The following CCDC141 variants were observed in gnomAD, a reference collection of about 807,000 sequenced individuals.
The protein encoded by CCDC141 is coiled-coil domain containing 141.
CCDC141 carries 168 observed loss-of-function variants against 181.0 expected under a neutral mutation model. The observed-to-expected ratio is 0.93, with a 90% CI of 0.82 to 1.05. The LOEUF (loss-of-function observed/expected upper bound fraction) is 1.05, where lower values mean the gene tolerates loss of function less well. Ranked by LOEUF, CCDC141 falls within the 50% of genes least tolerant of loss-of-function variation. The pLI is 0.00. For synonymous variants in CCDC141, 666 were observed against 642.3 expected (o/e 1.04, Z -0.56); for missense variants, 1,902 against 1,788.5 (o/e 1.06, Z -1.14).
rs182451024 is a variant in CCDC141 at position 178,838,267 on chromosome 2, T to G, written c.3475-523A>C. Among the ~76,000 whole-genome samples, 32 of 152,352 alleles carry G rather than the reference T, an allele frequency of 2.1e-4. No individual in the cohort carries two copies. The East Asian group carries it at 6.2e-3, about 29-fold the overall frequency. ...TGAAATATACATAAAATGTACCACT[T>G]CAACCATGTTTAAGTGTACGGCTCA... is the stretch of plus-strand genomic sequence containing the variant. On this transcript the variant is annotated intron_variant, in intron 22 of 23. Transcript: ENST00000443758.
chr2:179,016,376 C>T (rs1473099135), intron 2 of CCDC141, among the ~76,000 whole-genome samples: 1 of 151,718 alleles, frequency 6.6e-6, no homozygotes, highest in Non-Finnish European at 1.5e-5. Context: ...CTCCCCTCAC[C>T]ATAAAAAATG....
intron 2 of CCDC141, among the ~76,000 whole-genome samples, chr2:178,995,808 T>C (rs1692262359): frequency 2.6e-5 from 4 of 152,208 alleles, no homozygotes; most frequent in Admixed American, 2.6e-4. Context: ...TTTTCTTACC[T>C]AGCTATTTAA....
intron 2 of CCDC141, among the ~76,000 whole-genome samples, chr2:179,015,740 T>A (rs1290380484): frequency 7.2e-6 from 1 of 138,748 alleles, no homozygotes; most frequent in Non-Finnish European, 1.6e-5. Context: ...CTCATATATA[T>A]ATCTTATATA....
At chr2:179,001,540 T>C (rs527483369) in intron 2 of CCDC141, among the ~76,000 whole-genome samples, 1 of 151,974 alleles carries the variant, frequency 6.6e-6, no homozygotes, top group African/African-American at 2.4e-5. Flanking sequence ...AAAAAAATCA[T>C]AAAGTTGAAC....
chr2:178,904,249 C>T (rs1233033652), intron 8 of CCDC141, among the ~76,000 whole-genome samples: 1 of 152,144 alleles, frequency 6.6e-6, no homozygotes, highest in Non-Finnish European at 1.5e-5. Context: ...GTCTTCATAG[C>T]CTCAACTTTT....
At chr2:178,840,001 T>C (rs910953767) in intron 22 of CCDC141, among the ~76,000 whole-genome samples, 11 of 152,232 alleles carry the variant, frequency 7.2e-5, no homozygotes, top group African/African-American at 2.7e-4. Context: ...TGAGAATGTG[T>C]GCCTTACTTG....
chr2:178,899,300 T>G (rs911355252), intron 8 of CCDC141, among the ~76,000 whole-genome samples: 3 of 152,174 alleles, frequency 2.0e-5, no homozygotes, highest in African/African-American at 7.2e-5. Flanking sequence ...CACTCTATGA[T>G]GTTCACATGA....
chr2:178,816,822 T>A, the CCDC141 span, among the ~76,000 whole-genome samples: 1 of 152,168 alleles, frequency 6.6e-6, no homozygotes, highest in South Asian at 2.1e-4. Flanking sequence ...AAGAAGAGAA[T>A]GAGGGAAATA....
At chr2:178,824,723 G>A in the CCDC141 span, among the ~76,000 whole-genome samples, 2 of 151,348 alleles carry the variant, frequency 1.3e-5, no homozygotes, top group South Asian at 4.2e-4. Flanking sequence ...GTTAAACCTG[G>A]GCCATCTTTC....
At chr2:178,834,509 T>C in intron 23 of CCDC141, 69 bp from the exon 24 acceptor site, 17 of 1,485,976 alleles carry the variant, frequency 1.1e-5, no homozygotes. Context: ...GTTCTAATAA[T>C]GCTTGCAAAT....
At chr2:178,841,073 C>T (rs769202771) in intron 22 of CCDC141, among the ~76,000 whole-genome samples, 29 of 151,894 alleles carry the variant, frequency 1.9e-4, no homozygotes, top group Non-Finnish European at 3.2e-4. Flanking sequence ...AAATAAAAAT[C>T]ACATGGGACC....
chr2:178,919,458 G>C (rs1222846601), intron 6 of CCDC141, among the ~76,000 whole-genome samples: 2 of 152,312 alleles, frequency 1.3e-5, no homozygotes, highest in African/African-American at 4.8e-5. Context: ...AAAAGGGAGA[G>C]TAGAAAGAGG....
At chr2:178,957,576 T>G (rs1690214059) in intron 5 of CCDC141, among the ~76,000 whole-genome samples, 1 of 152,266 alleles carries the variant, frequency 6.6e-6, no homozygotes, top group African/African-American at 2.4e-5. Flanking sequence ...GGTATTTATC[T>G]ATATAAATTG....
intron 2 of CCDC141, among the ~76,000 whole-genome samples, chr2:178,985,039 A>G (rs1482554121): frequency 6.6e-6 from 1 of 151,428 alleles, no homozygotes; most frequent in Non-Finnish European, 1.5e-5. Context: ...CACCACACCT[A>G]TTCCAAAATT....
At chr2:179,000,206 A>AT (rs2041927135) in intron 2 of CCDC141, among the ~76,000 whole-genome samples, 1 of 152,010 alleles carries the variant, frequency 6.6e-6, no homozygotes, top group Admixed American at 6.6e-5. Flanking sequence ...TGGCTTTTGC[A>AT]TTTTTAAGTG....
intron 2 of CCDC141, among the ~76,000 whole-genome samples, chr2:179,006,549 A>G (rs1313845693): frequency 1.3e-5 from 2 of 152,216 alleles, no homozygotes; most frequent in Non-Finnish European, 2.9e-5. Flanking sequence ...TAATTTATGC[A>G]ACAGATAATG....
In CCDC141 at chr2:178,918,793, G is replaced by C. The variant is rs536909288; in HGVS notation, c.1012C>G (p.Gln338Glu). ...ACCATGAGTTGACCAAATTCTTCTT[G>C]AAGCTGACTGAGTTTCTGGTGAGAG... The part of the protein sequence containing the change: ...QLSHQKLSQL[Q>E]EEFGQLMVER... The change falls in exon 7 of 24, where the codon CAA (glutamine) becomes GAA (glutamate). Residue 338 changes from glutamine (Q) to glutamate (E), a missense_variant. Physicochemically the swap from Gln to Glu is conservative, Grantham distance 29. Coordinates refer to ENST00000443758, the MANE Select transcript of CCDC141 (RefSeq NM_173648.4). The C allele has an allele frequency of 1.3e-4, 204 of 1,550,566 alleles. No individual in the cohort carries two copies. Among genetic ancestry groups the C allele is most frequent in the Non-Finnish European group, 1.6e-4 (186 of 1,146,994 alleles).
At chr2:178,962,258 A>C (rs1211960388) in intron 4 of CCDC141, among the ~76,000 whole-genome samples, 1 of 152,164 alleles carries the variant, frequency 6.6e-6, no homozygotes, top group East Asian at 1.9e-4. Context: ...AAAGTGTAGA[A>C]GGAGAAAGAG....
chr2:178,995,631 A>G (rs985061428), intron 2 of CCDC141, among the ~76,000 whole-genome samples: 3 of 152,222 alleles, frequency 2.0e-5, no homozygotes, highest in Admixed American at 6.5e-5. Context: ...ATAGACTGAT[A>G]ATTTCAGAGC....
Sources: gnomAD v4.1 joint callset for allele counts (sites outside exome capture counted in the v4.1 genomes callset) on GRCh38, gnomAD v4.1.1 for gene constraint, MANE v1.5 for transcripts, NCBI Gene and HGNC (gene_info 2026-07-23, HGNC 2026-07-21) for gene names.